Variants in DLG2 observed in about 807,000 individuals in gnomAD.
The protein encoded by DLG2 is disks large homolog 2.
In DLG2, 45 loss-of-function variants were observed where a neutral mutation model predicts 132.5. That is an observed-to-expected ratio of 0.34 (90% confidence interval 0.27 to 0.44). The LOEUF (loss-of-function observed/expected upper bound fraction) is 0.44. Among genes scored for constraint, DLG2 ranks in the 20% least tolerant of loss-of-function variants. The probability of loss-of-function intolerance (pLI) is 1.00; values close to 1 mark genes in which losing one functional copy is unlikely to be tolerated. For missense variants in DLG2, 1,045 were observed against 1,196.9 expected (o/e 0.87, Z 1.87); for synonymous variants, 424 against 419.6 (o/e 1.01, Z -0.13).
At chr11:84,470,793 T>C (rs1283432390) in intron 7 of DLG2, among the ~76,000 whole-genome samples, 2 of 151,758 alleles carry the variant, frequency 1.3e-5, no homozygotes, top group African/African-American at 2.4e-5. Flanking sequence ...GGAGGGCAAA[T>C]TGGAAAGAAC....
At chr11:84,707,976 T>C (rs1270182371) in intron 6 of DLG2, among the ~76,000 whole-genome samples, 2 of 151,686 alleles carry the variant, frequency 1.3e-5, no homozygotes, top group East Asian at 3.9e-4. Flanking sequence ...GGGCTCAGAG[T>C]CAGAAACCTG....
Position 84,061,487 on chromosome 11 carries a change from A to G in DLG2, c.750-2003T>C, listed in dbSNP as rs149981526. On this transcript the variant is annotated intron_variant, in intron 10 of 27. Coordinates refer to ENST00000376104, the MANE Select transcript of DLG2 (RefSeq NM_001142699.3). ...ATTAAGTCCTCTGCTTAAAGCTGTC[A>G]GCAATTTGAGCAGAGATTGGATTTG... Among the ~76,000 whole-genome samples, 253 of 152,332 alleles carry G rather than the reference A, an allele frequency of 1.7e-3. 4 individuals carry two copies. Among genetic ancestry groups the G allele is most frequent in the Non-Finnish European group, 2.9e-3 (196 of 68,032 alleles).
At chr11:84,362,778 C>T (rs367627885) in intron 7 of DLG2, among the ~76,000 whole-genome samples, 24 of 152,014 alleles carry the variant, frequency 1.6e-4, no homozygotes, top group Admixed American at 7.2e-4. Context: ...TTTGTTCTTG[C>T]GATAGTTTAC....
intron 9 of DLG2, among the ~76,000 whole-genome samples, chr11:84,131,409 C>T (rs1029396875): frequency 1.3e-5 from 2 of 151,978 alleles, no homozygotes; most frequent in African/African-American, 4.8e-5. Flanking sequence ...TATATACATA[C>T]ATATACATGT....
Position 85,141,734 on chromosome 11 carries a change from T to C in DLG2, c.282+12822A>G, listed in dbSNP as rs973455636. 1.4e-4 allele frequency among the ~76,000 whole-genome samples: 21 copies of C among 151,954 alleles called. 1 individual carries two copies. Among genetic ancestry groups the C allele is most frequent in the Admixed American group, 6.6e-4 (10 of 15,216 alleles). On this transcript the variant is annotated intron_variant, in intron 5 of 27. Coordinates refer to ENST00000376104, the MANE Select transcript of DLG2 (RefSeq NM_001142699.3). ...TCCATTTTTATTTTATTTTTGTATATGGTGAGATATAGGGTTGTAGTTTCA... is the reference window on the plus strand; with the variant it reads ...TCCATTTTTATTTTATTTTTGTATACGGTGAGATATAGGGTTGTAGTTTCA...
At chr11:85,243,178 T>G (rs2152681257) in intron 4 of DLG2, among the ~76,000 whole-genome samples, 2 of 152,096 alleles carry the variant, frequency 1.3e-5, no homozygotes, top group Middle Eastern at 6.8e-3. Flanking sequence ...TTACTTATAA[T>G]TTTTTTATTC....
chr11:85,253,248 C>T (rs1197553067), intron 4 of DLG2, among the ~76,000 whole-genome samples: 1 of 152,162 alleles, frequency 6.6e-6, no homozygotes, highest in Admixed American at 6.5e-5. Flanking sequence ...ATTCTACTCC[C>T]AGGTATTTAT....
intron 14 of DLG2, among the ~76,000 whole-genome samples, chr11:83,938,054 A>G (rs2081894868): frequency 6.6e-6 from 1 of 152,246 alleles, no homozygotes; most frequent in South Asian, 2.1e-4. Flanking sequence ...AGCAAAACAG[A>G]ATAAAACAAA....
chr11:84,304,591 A>G (rs1355950918), intron 7 of DLG2, among the ~76,000 whole-genome samples: 1 of 152,214 alleles, frequency 6.6e-6, no homozygotes, highest in East Asian at 1.9e-4. Flanking sequence ...TATCACAACT[A>G]TTCAACTCTG....
intron 7 of DLG2, among the ~76,000 whole-genome samples, chr11:84,466,656 T>C (rs117449199): frequency 0.012 from 1,768 of 151,456 alleles, 78 homozygotes; most frequent in Admixed American, 0.089. Flanking sequence ...CAGCAGGAAT[T>C]CTCACATATT....
At chr11:83,730,146 G>GTTTTTTTTTTTTTT (rs541441004) in intron 18 of DLG2, among the ~76,000 whole-genome samples, 2 of 111,002 alleles carry the variant, frequency 1.8e-5, no homozygotes, top group African/African-American at 6.9e-5. Flanking sequence ...TTTTTTTATG[G>GTTTTTTTTTTTTTT]TTTTTTTTTT....
intron 3 of DLG2, among the ~76,000 whole-genome samples, chr11:85,412,857 G>C (rs928469494): frequency 2.0e-5 from 3 of 151,082 alleles, no homozygotes; most frequent in Admixed American, 1.3e-4. Flanking sequence ...ATTGTAAACT[G>C]TGCTGCTATA....
intron 6 of DLG2, among the ~76,000 whole-genome samples, chr11:84,806,347 G>T (rs1283001400): frequency 6.6e-6 from 1 of 151,966 alleles, no homozygotes; most frequent in Non-Finnish European, 1.5e-5. Flanking sequence ...ACCCAAATAG[G>T]ATAAATGGAA....
intron 8 of DLG2, among the ~76,000 whole-genome samples, chr11:84,175,028 A>G (rs763684243): frequency 2.6e-5 from 4 of 152,184 alleles, no homozygotes; most frequent in African/African-American, 9.6e-5. Context: ...AACCAGGAGA[A>G]TCTTGTTCAT....
At chr11:85,178,172 G>A (rs759637193) in intron 4 of DLG2, among the ~76,000 whole-genome samples, 2 of 151,884 alleles carry the variant, frequency 1.3e-5, no homozygotes, top group African/African-American at 2.4e-5. Flanking sequence ...TTAGACCAAT[G>A]CTAAATTCCT....
chr11:84,164,613 G>T (rs2095620531), intron 8 of DLG2, among the ~76,000 whole-genome samples: 1 of 152,210 alleles, frequency 6.6e-6, no homozygotes, highest in Non-Finnish European at 1.5e-5. Context: ...ATGAATGAGT[G>T]ACTGAACTAA....
At chr11:85,291,834 C>T (rs749927766) in intron 3 of DLG2, among the ~76,000 whole-genome samples, 14 of 152,132 alleles carry the variant, frequency 9.2e-5, no homozygotes, top group Non-Finnish European at 2.1e-4. Context: ...ATCCACCCGC[C>T]TCAGCCTCCC....
intron 6 of DLG2, among the ~76,000 whole-genome samples, chr11:85,090,928 C>A (rs2068662539): frequency 1.3e-5 from 2 of 152,112 alleles, no homozygotes. Flanking sequence ...TGGCAGAAGA[C>A]AAAGGGGAGC....
chr11:85,233,627 G>A (rs2075418593), intron 4 of DLG2, among the ~76,000 whole-genome samples: 6 of 151,656 alleles, frequency 4.0e-5, no homozygotes. Context: ...GCAAGATAAT[G>A]GGAAGGAGGG....
Sources: gnomAD v4.1 joint callset for allele counts (sites outside exome capture counted in the v4.1 genomes callset) on GRCh38, gnomAD v4.1.1 for gene constraint, MANE v1.5 for transcripts, NCBI Gene and HGNC (gene_info 2026-07-23, HGNC 2026-07-21) for gene names.